BNC2: variants seen among roughly 807,000 people sequenced by gnomAD.
BNC2 encodes basonuclin zinc finger protein 2, also known as zinc finger protein basonuclin-2.
Under a neutral mutation model 76.3 loss-of-function variants are expected in BNC2, and 20 were observed. The observed-to-expected ratio is 0.26, with a 90% confidence interval of 0.18 to 0.38. The LOEUF (loss-of-function observed/expected upper bound fraction) is 0.38. Among genes scored for constraint, BNC2 ranks in the 10% least tolerant of loss-of-function variants. The pLI is 1.00. For synonymous variants in BNC2, 582 were observed against 514.8 expected (o/e 1.13, Z -1.77); for missense variants, 1,382 against 1,399.8 (o/e 0.99, Z 0.20).
At chr9:16,787,944 C>G (rs1299279597) in intron 1 of BNC2, among the ~76,000 whole-genome samples, 2 of 152,174 alleles carry the variant, frequency 1.3e-5, no homozygotes, top group Non-Finnish European at 2.9e-5. Context: ...TCATAGCACA[C>G]AAGATGAGTC....
chr9:16,572,103 T>G (rs188432991), intron 4 of BNC2, among the ~76,000 whole-genome samples: 2 of 152,246 alleles, frequency 1.3e-5, no homozygotes, highest in Admixed American at 6.5e-5. Flanking sequence ...ACCCTCAGAT[T>G]TTTGCAGGCA....
chr9:16,608,576 G>C (rs991860988), intron 3 of BNC2, among the ~76,000 whole-genome samples: 2 of 152,084 alleles, frequency 1.3e-5, no homozygotes, highest in Non-Finnish European at 2.9e-5. Flanking sequence ...CAAGATCATA[G>C]CTCACTGCAG....
intron 5 of BNC2, among the ~76,000 whole-genome samples, chr9:16,464,721 T>A (rs1380916080): frequency 1.3e-5 from 2 of 152,206 alleles, no homozygotes; most frequent in African/African-American, 2.4e-5. Flanking sequence ...CACGCCTGGC[T>A]AATTTTTGTA....
At chr9:16,453,060 C>T (rs1011845298) in intron 5 of BNC2, among the ~76,000 whole-genome samples, 2 of 152,240 alleles carry the variant, frequency 1.3e-5, no homozygotes, top group African/African-American at 2.4e-5. Flanking sequence ...GGTCTCCTCA[C>T]ATATGAAATG....
At chr9:16,659,812 C>T (rs960227445) in intron 3 of BNC2, among the ~76,000 whole-genome samples, 5 of 152,102 alleles carry the variant, frequency 3.3e-5, no homozygotes, top group Non-Finnish European at 7.3e-5. Context: ...AGCCTCACTT[C>T]CCATCCCCTT....
chr9:16,561,462 C>T (rs1211295384), intron 4 of BNC2, among the ~76,000 whole-genome samples: 7 of 152,110 alleles, frequency 4.6e-5, no homozygotes, highest in Admixed American at 2.6e-4. Context: ...TATAAAAAGG[C>T]CTTCCATGAG....
At chr9:16,807,426 C>T (rs1039524325) in intron 1 of BNC2, among the ~76,000 whole-genome samples, 3 of 152,188 alleles carry the variant, frequency 2.0e-5, no homozygotes, top group Admixed American at 6.5e-5. Flanking sequence ...CATATTATTA[C>T]ATCAGTCTAC....
intron 3 of BNC2, among the ~76,000 whole-genome samples, chr9:16,678,605 TAA>T (rs998344967): frequency 1.3e-5 from 2 of 151,644 alleles, no homozygotes; most frequent in African/African-American, 4.8e-5. Flanking sequence ...ACCTCTCCAG[TAA>T]TTTTTTTAAA....
At chr9:16,559,071 C>T (rs1023005833) in intron 4 of BNC2, among the ~76,000 whole-genome samples, 5 of 152,050 alleles carry the variant, frequency 3.3e-5, no homozygotes, top group South Asian at 2.1e-4. Context: ...ACATCTTATA[C>T]GGATTTACAA....
chr9:16,662,850 T>C (rs966918883), intron 3 of BNC2, among the ~76,000 whole-genome samples: 5 of 152,222 alleles, frequency 3.3e-5, no homozygotes, highest in Admixed American at 1.3e-4. Context: ...AACACCATTC[T>C]TAAAAGGTTA....
intron 1 of BNC2, among the ~76,000 whole-genome samples, chr9:16,822,883 T>G (rs1818373321): frequency 2.0e-5 from 3 of 152,186 alleles, no homozygotes; most frequent in African/African-American, 7.2e-5. Context: ...CAAGAAAAAT[T>G]ACAGAAGCCT....
At chr9:16,663,658 A>C (rs976087253) in intron 3 of BNC2, among the ~76,000 whole-genome samples, 1 of 152,168 alleles carries the variant, frequency 6.6e-6, no homozygotes, top group Non-Finnish European at 1.5e-5. Context: ...AAAAACACAA[A>C]AGAGCATTTC....
At chr9:16,776,735 G>A (rs1006533307) in intron 1 of BNC2, among the ~76,000 whole-genome samples, 1 of 152,112 alleles carries the variant, frequency 6.6e-6, no homozygotes, top group African/African-American at 2.4e-5. Flanking sequence ...CCAAATTTGA[G>A]GTGATATGAT....
chr9:16,790,962 A>G (rs2183406), intron 1 of BNC2, among the ~76,000 whole-genome samples: 16,006 of 151,980 alleles, frequency 0.11, 1,084 homozygotes, highest in Admixed American at 0.22. Flanking sequence ...ACATGGGTCT[A>G]TCACTGGGAG....
chr9:16,753,928 C>T (rs568073035), intron 1 of BNC2, among the ~76,000 whole-genome samples: 13 of 152,236 alleles, frequency 8.5e-5, no homozygotes, highest in South Asian at 4.1e-4. Flanking sequence ...CCTTACTGAG[C>T]GCTGTGAAGC....
chr9:16,607,267 G>A (rs977854588), intron 3 of BNC2, among the ~76,000 whole-genome samples: 14 of 152,216 alleles, frequency 9.2e-5, no homozygotes, highest in Non-Finnish European at 1.6e-4. Context: ...AAGGGGATTC[G>A]TTTTGATAAA....
At chr9:16,826,319 G>A (rs1205726218) in intron 1 of BNC2, among the ~76,000 whole-genome samples, 1 of 149,772 alleles carries the variant, frequency 6.7e-6, no homozygotes, top group Non-Finnish European at 1.5e-5. Context: ...ATATAGCTCT[G>A]CTCTAAGTAA....
At chr9:16,523,512 T>G (rs1368500862) in intron 5 of BNC2, among the ~76,000 whole-genome samples, 1 of 150,494 alleles carries the variant, frequency 6.6e-6, no homozygotes, top group Non-Finnish European at 1.5e-5. Context: ...ACAATTAATG[T>G]CAGGTCCTAA....
chr9:16,861,829 A>G (rs960960836), intron 1 of BNC2, among the ~76,000 whole-genome samples: 1 of 152,156 alleles, frequency 6.6e-6, no homozygotes, highest in Non-Finnish European at 1.5e-5. Flanking sequence ...CTCTACTAAA[A>G]ATACAAAAAA....
Sources: gnomAD v4.1 joint callset for allele counts (sites outside exome capture counted in the v4.1 genomes callset) on GRCh38, gnomAD v4.1.1 for gene constraint, MANE v1.5 for transcripts, NCBI Gene and HGNC (gene_info 2026-07-23, HGNC 2026-07-21) for gene names.